Variants in DCAF13 observed in about 807,000 individuals in gnomAD.
DCAF13 encodes the protein DDB1 and CUL4 associated factor 13, also known as DDB1- and CUL4-associated factor 13.
DCAF13 carries 38 observed loss-of-function variants against 59.0 expected under a neutral mutation model. The ratio of observed to expected loss-of-function variants is 0.64; its 90% confidence interval spans 0.50 to 0.84. The LOEUF (loss-of-function observed/expected upper bound fraction) is 0.84, where lower values mean the gene tolerates loss of function less well. DCAF13 is among the 40% of genes least tolerant of loss of function. DCAF13 has a pLI of 0.00. For synonymous variants in DCAF13, 173 were observed against 175.0 expected (o/e 0.99, Z 0.09); for missense variants, 469 against 558.4 (o/e 0.84, Z 1.61).
chr8:103,427,141 T>A lies in DCAF13; in HGVS notation c.513T>A (p.Phe171Leu), dbSNP rs756947557. The change falls in exon 5 of 11, where the codon TTT becomes TTA. Residue 171 changes from phenylalanine to leucine, a missense_variant. By Grantham distance (22) the Phe-to-Leu change is conservative. Transcript: ENST00000612750. ...ATCATCACTGGAAAGAAGCTGTTTTTGCCACATGTGGACAGCAAGTAGACA... is the reference window on the plus strand; with the variant it reads ...ATCATCACTGGAAAGAAGCTGTTTTAGCCACATGTGGACAGCAAGTAGACA... ...GIDHHWKEAVFATCGQQVDIW... is the reference protein window; with the variant it reads ...GIDHHWKEAVLATCGQQVDIW... 1 of 1,613,386 alleles carries A rather than the reference T, an allele frequency of 6.2e-7. No homozygotes were observed. The highest frequency in any genetic ancestry group is 1.1e-5 in the South Asian group (1 of 91,032).
intron 8 of DCAF13, among the ~76,000 whole-genome samples, 159 bp downstream of exon 8, chr8:103,435,949 T>C (rs540964817): frequency 1.6e-4 from 24 of 152,330 alleles, no homozygotes; most frequent in Admixed American, 5.2e-4. Flanking sequence ...ACCTAGGCTG[T>C]GTGGTCATAT....
intron 7 of DCAF13, 149 bp from the exon 8 acceptor site, chr8:103,435,477 T>C (rs1816920478): frequency 1.9e-6 from 1 of 518,070 alleles, no homozygotes; most frequent in Non-Finnish European, 3.2e-6. Flanking sequence ...AATTTTTCCT[T>C]ATCCCTCACC....
chr8:103,424,584 G>A (rs900595971), intron 3 of DCAF13, among the ~76,000 whole-genome samples: 16 of 152,190 alleles, frequency 1.1e-4, no homozygotes, highest in African/African-American at 3.4e-4. Flanking sequence ...TATAAAATGA[G>A]AAAACCCTTC....
chr8:103,428,303 CTG>C (rs1296284318), intron 5 of DCAF13: 2 of 152,212 alleles, frequency 1.3e-5, no homozygotes, highest in African/African-American at 2.4e-5. Context: ...GCAAACTAGT[CTG>C]TGAGCCACAT....
intron 10 of DCAF13, 145 bp downstream of exon 10, chr8:103,441,763 G>A (rs758718894): frequency 1.6e-4 from 119 of 756,980 alleles, no homozygotes; most frequent in Non-Finnish European, 2.4e-4. Flanking sequence ...GACTTCTACA[G>A]AAGGCCTTTT....
chr8:103,427,403 C>A, intron 5 of DCAF13, 151 bp downstream of exon 5: 1 of 672,702 alleles, frequency 1.5e-6, no homozygotes, highest in Non-Finnish European at 2.5e-6. Flanking sequence ...AGTTCTGATA[C>A]CTTTGCTCAA....
intron 3 of DCAF13, among the ~76,000 whole-genome samples, chr8:103,421,980 C>T (rs879242125): frequency 5.9e-5 from 9 of 152,128 alleles, no homozygotes; most frequent in East Asian, 3.9e-4. Context: ...ACAAGGGGAA[C>T]GACAAAATCT....
intron 1 of DCAF13, among the ~76,000 whole-genome samples, chr8:103,418,937 G>C (rs1353415915): frequency 7.7e-6 from 1 of 129,162 alleles, no homozygotes; most frequent in East Asian, 2.3e-4. Flanking sequence ...AGGCTGGAGT[G>C]CAGTGGCGCG....
chr8:103,437,123 A>G (rs997448908), intron 8 of DCAF13, among the ~76,000 whole-genome samples: 1 of 152,154 alleles, frequency 6.6e-6, no homozygotes, highest in South Asian at 2.1e-4. Context: ...GTGTGTTCCT[A>G]TGTGACTATT....
chr8:103,435,090 A>G (rs901319596), intron 7 of DCAF13, among the ~76,000 whole-genome samples: 4 of 152,142 alleles, frequency 2.6e-5, no homozygotes, highest in Admixed American at 6.5e-5. Flanking sequence ...AGCATTATAT[A>G]TAATAAAATG....
intron 1 of DCAF13, 146 bp downstream of exon 1, chr8:103,415,662 C>T: frequency 3.9e-6 from 3 of 763,874 alleles, no homozygotes; most frequent in Non-Finnish European, 4.1e-6. Flanking sequence ...TTTGTGCTTA[C>T]GGAGTCGCTG....
chr8:103,420,511 CA>C, intron 2 of DCAF13, 48 bp downstream of exon 2: 1 of 1,549,262 alleles, frequency 6.5e-7, no homozygotes, highest in Non-Finnish European at 8.8e-7. Context: ...AGTTATATTA[CA>C]AATGTTTTCC....
At chr8:103,440,542 G>T (rs184208376) in intron 9 of DCAF13, 7 of 207,806 alleles carry the variant, frequency 3.4e-5, no homozygotes, top group African/African-American at 9.2e-5. Flanking sequence ...AGTCTTACTG[G>T]TTTTTTGTGT....
intron 3 of DCAF13, among the ~76,000 whole-genome samples, chr8:103,425,713 A>G (rs1051033446): frequency 1.2e-4 from 19 of 152,102 alleles, no homozygotes; most frequent in Non-Finnish European, 2.5e-4. Flanking sequence ...AATTGGCTCA[A>G]TTTTTTTGAA....
At chr8:103,441,732 T>C in intron 10 of DCAF13, 114 bp downstream of exon 10, 2 of 1,024,016 alleles carry the variant, frequency 2.0e-6, no homozygotes, top group East Asian at 2.6e-5. Context: ...TATTTAATAG[T>C]ATGTTAGTGA....
chr8:103,426,021 C>T, intron 3 of DCAF13, 35 bp from the exon 4 acceptor site: 1 of 1,431,776 alleles, frequency 7.0e-7, no homozygotes, highest in Non-Finnish European at 9.9e-7. Context: ...AACTGTTGTT[C>T]CTTACCATCA....
chr8:103,437,450 T>C (rs940328441), intron 8 of DCAF13, among the ~76,000 whole-genome samples: 1 of 152,160 alleles, frequency 6.6e-6, no homozygotes, highest in Non-Finnish European at 1.5e-5. Context: ...CCAAAGCTAG[T>C]GTGGACAGCT....
intron 8 of DCAF13, chr8:103,439,623 T>G (rs1816981137): frequency 6.6e-6 from 1 of 152,058 alleles, no homozygotes; most frequent in African/African-American, 2.4e-5. Flanking sequence ...ATTAAGCTTT[T>G]TAAACAATTT....
rs1816921918 is a variant in DCAF13 at position 103,435,621 on chromosome 8, T to C, written c.786-5T>C. On this transcript the variant is annotated splice_polypyrimidine_tract_variant and splice_region_variant and intron_variant, in intron 7 of 10. Transcript: ENST00000612750. ...TGTGTCAAATATTTAAAAATTCTTT[T>C]ACAGCTTATATACTTTTGATATGCG... The C allele has an allele frequency of 5.9e-6, 9 of 1,521,324 alleles. No individual in the cohort carries two copies. Among genetic ancestry groups the C allele is most frequent in the Non-Finnish European group, 7.9e-6 (9 of 1,134,198 alleles). 94.2% of individuals were successfully genotyped at this position (1,521,324 alleles called of 1,614,324 possible). A position where few individuals can be genotyped will look rare whatever the true frequency, so the allele number is the denominator to read the frequency against.
Sources: gnomAD v4.1 joint callset for allele counts (sites outside exome capture counted in the v4.1 genomes callset) on GRCh38, gnomAD v4.1.1 for gene constraint, MANE v1.5 for transcripts, NCBI Gene and HGNC (gene_info 2026-07-23, HGNC 2026-07-21) for gene names.